RPS6KA2: variants seen among roughly 807,000 people sequenced by gnomAD.
The protein encoded by RPS6KA2 is ribosomal protein S6 kinase alpha-2.
In RPS6KA2, 42 loss-of-function variants were observed where a neutral mutation model predicts 91.8. That is an observed-to-expected ratio of 0.46 (90% CI 0.36 to 0.59). The LOEUF (loss-of-function observed/expected upper bound fraction) is 0.59. RPS6KA2 is among the 20% of genes least tolerant of loss of function. The pLI is 0.00. For missense variants in RPS6KA2, 798 were observed against 978.5 expected (o/e 0.82, Z 2.46); for synonymous variants, 414 against 393.6 (o/e 1.05, Z -0.61).
chr6:166,722,479 T>A (rs962669855), intron 2 of RPS6KA2, among the ~76,000 whole-genome samples: 51 of 152,210 alleles, frequency 3.4e-4, no homozygotes, highest in African/African-American at 1.2e-3. Flanking sequence ...GGTTCTAAAA[T>A]CACCGTGGCC....
intron 3 of RPS6KA2, among the ~76,000 whole-genome samples, chr6:166,520,119 G>A (rs1039072967): frequency 2.0e-5 from 3 of 152,128 alleles, no homozygotes; most frequent in South Asian, 4.2e-4. Context: ...TCCAGCCCTC[G>A]GACATCAGTG....
At chr6:166,546,096 C>T (rs899090586) in intron 1 of RPS6KA2, among the ~76,000 whole-genome samples, 1 of 152,172 alleles carries the variant, frequency 6.6e-6, no homozygotes, top group Non-Finnish European at 1.5e-5. Flanking sequence ...TGACCCCTTC[C>T]ACTTCATCTT....
At chr6:166,840,941 C>A (rs1227278028) in intron 2 of RPS6KA2, among the ~76,000 whole-genome samples, 1 of 150,564 alleles carries the variant, frequency 6.6e-6, no homozygotes, top group Admixed American at 6.6e-5. Flanking sequence ...CCAGCCTGGG[C>A]AACAAGAGCG....
At chr6:166,817,745 T>C (rs1237482469) in intron 2 of RPS6KA2, among the ~76,000 whole-genome samples, 5 of 151,292 alleles carry the variant, frequency 3.3e-5, no homozygotes, top group Admixed American at 3.3e-4. Flanking sequence ...TTGTTTGAGA[T>C]GGAGTCTCGC....
chr6:166,847,906 T>C (rs917410068), intron 2 of RPS6KA2, among the ~76,000 whole-genome samples: 6 of 140,452 alleles, frequency 4.3e-5, no homozygotes, highest in Non-Finnish European at 9.2e-5. Flanking sequence ...CAAAGATAAA[T>C]AGATGGGACT....
Position 166,681,694 on chromosome 6 carries a change from C to CCT in RPS6KA2, c.124-142911_124-142910insAG, listed in dbSNP as rs1788817044. ...TCCCTGGATCTCCCCCTGCCCGCCC[C>CCT]CCCCCCCGCCCCCGCCCAAGATCTT... On this transcript the variant is annotated intron_variant, in intron 2 of 21. Coordinates refer to the RPS6KA2 transcript ENST00000503859. 2.8e-5 allele frequency among the ~76,000 whole-genome samples: 2 copies of CCT among 72,042 alleles called. 1 individual carries two copies. The highest frequency in any genetic ancestry group is 5.5e-5 in the Non-Finnish European group (2 of 36,510). The allele number at this position is 72,042 out of a possible 152,430, so 47.3% of individuals were successfully genotyped here.
In RPS6KA2 at chr6:166,860,647, G is replaced by A. The variant is rs1188600735; in HGVS notation, c.63+1461C>T. On this transcript the variant is annotated intron_variant, in intron 1 of 21. Coordinates refer to the RPS6KA2 transcript ENST00000503859. ...AGCCCAGGGCGGAATCCTCCCTCTG[G>A]ACAAGCCCTTCATTCGTGAGGGCTG... is the stretch of plus-strand genomic sequence containing the variant. 2.6e-5 allele frequency among the ~76,000 whole-genome samples: 4 copies of A among 152,130 alleles called. No individual in the cohort carries two copies. In the East Asian group the frequency reaches 5.8e-4, roughly 22 times the overall value.
In RPS6KA2 at chr6:166,506,055, G is replaced by A. The variant is rs138862388; in HGVS notation, c.460-1443C>T. Among the ~76,000 whole-genome samples, 947 of 152,302 alleles carry A rather than the reference G, an allele frequency of 6.2e-3. 12 individuals carry two copies. The highest frequency in any genetic ancestry group is 0.02 in the African/African-American group (820 of 41,552). On this transcript the variant is annotated intron_variant, in intron 5 of 20. Transcript: ENST00000265678. ...ACGGTGTGAGTTCTGCAGGTTCACC[G>A]GCACAGCGATGGTCCCCGTAAGATG...
intron 7 of RPS6KA2, among the ~76,000 whole-genome samples, chr6:166,499,792 T>G (rs1357005316): frequency 3.2e-4 from 48 of 152,088 alleles, no homozygotes; most frequent in Non-Finnish European, 1.6e-4. Context: ...GAGAACAGAC[T>G]AATACAGGGA....
rs113826349 is a variant in RPS6KA2 at position 166,841,557 on chromosome 6, T to C, written c.123+16643A>G. Among the ~76,000 whole-genome samples, 390 of 152,128 alleles carry C rather than the reference T, an allele frequency of 2.6e-3. 2 individuals carry two copies. Among genetic ancestry groups the C allele is most frequent in the African/African-American group, 8.9e-3 (371 of 41,482 alleles). On this transcript the variant is annotated intron_variant, in intron 2 of 21. Coordinates refer to the RPS6KA2 transcript ENST00000503859. Reference sequence around the variant, plus strand: ...CAAAAACTTAATTGCAGAGGAAAAATAGAAAAACTCAGCAGGTCTGAGATG... The same window carrying C: ...CAAAAACTTAATTGCAGAGGAAAAACAGAAAAACTCAGCAGGTCTGAGATG...
At chr6:166,858,153 C>A (rs1780957366) in intron 2 of RPS6KA2, 1 of 1,141,106 alleles carries the variant, frequency 8.8e-7, no homozygotes, top group East Asian at 2.3e-5. Flanking sequence ...CCTTCTGGGC[C>A]CAATCTCCCC....
chr6:166,862,396 C>T (rs1781068590), exon 1 of RPS6KA2: 2 of 1,384,204 alleles, frequency 1.4e-6, no homozygotes, highest in African/African-American at 2.9e-5. Flanking sequence ...AATATGGCTG[C>T]TCGGGCGCCG....
intron 1 of RPS6KA2, among the ~76,000 whole-genome samples, chr6:166,615,975 A>C (rs1420003822): frequency 6.6e-6 from 1 of 152,126 alleles, no homozygotes; most frequent in African/African-American, 2.4e-5. Flanking sequence ...TTCAGCCTAA[A>C]TGACGACGCT....
At chr6:166,478,860 C>G (rs1216616006) in intron 10 of RPS6KA2, among the ~76,000 whole-genome samples, 2 of 152,226 alleles carry the variant, frequency 1.3e-5, no homozygotes, top group East Asian at 3.9e-4. Flanking sequence ...TCAAATCCTC[C>G]TACTTCACGA....
intron 3 of RPS6KA2, among the ~76,000 whole-genome samples, chr6:166,517,501 C>T (rs936511488): frequency 3.1e-5 from 4 of 127,692 alleles, no homozygotes; most frequent in Non-Finnish European, 4.6e-5. Context: ...CGGAGTCTCG[C>T]TCTGTCGCCC....
chr6:166,448,768 T>C lies in RPS6KA2; in HGVS notation c.1288A>G (p.Lys430Glu). 1 of 1,613,710 alleles carries C rather than the reference T, an allele frequency of 6.2e-7. No individual in the cohort carries two copies. The highest frequency in any genetic ancestry group is 8.5e-7 in the Non-Finnish European group (1 of 1,179,890). The change falls in exon 14 of 21, where the codon AAG becomes GAG. Residue 430 changes from lysine to glutamate, a missense_variant. By Grantham distance (56) the Lys-to-Glu change is moderately conservative. Coordinates refer to ENST00000265678, the MANE Select transcript of RPS6KA2 (RefSeq NM_021135.6). The surrounding 1 kb of genome is among the most constrained non-coding windows in gnomAD (Gnocchi z 4.7). The stretch of plus-strand genomic sequence containing the variant: ...TCTGTGGCTTTATGCACACATCGCT[T>C]GCACACTGAGTAGGAGCCCACCCCG... ...DIGVGSYSVC[K>E]RCVHKATDTE...
intron 1 of RPS6KA2, among the ~76,000 whole-genome samples, chr6:166,609,428 G>A (rs1424770385): frequency 1.3e-5 from 2 of 151,956 alleles, no homozygotes; most frequent in Non-Finnish European, 2.9e-5. Flanking sequence ...AGCTACCATG[G>A]TGTATTGCAA....
At position 166,490,573 on chromosome 6, in the gene RPS6KA2, C is replaced by G; in HGVS notation, c.818+98G>C. 2 of 828,220 alleles carry G rather than the reference C, an allele frequency of 2.4e-6. No homozygotes were observed. Among genetic ancestry groups the G allele is most frequent in the South Asian group, 2.9e-5 (2 of 68,256 alleles). 51.3% of individuals were successfully genotyped at this position (828,220 alleles called of 1,614,324 possible). A position where few individuals can be genotyped will look rare whatever the true frequency, so the allele number is the denominator to read the frequency against. On this transcript the variant is annotated intron_variant, in intron 9 of 20. Transcript: ENST00000265678. This position sits in a 1 kb window ranked among gnomAD's most constrained non-coding sequence, Gnocchi z 4.2. Reference sequence around the variant, plus strand: ...CAATACTTTGGCACTGTAAGCCTAGCAATGTAATTAAAACTTCACAGTTCC... The same window carrying G: ...CAATACTTTGGCACTGTAAGCCTAGGAATGTAATTAAAACTTCACAGTTCC...
chr6:166,709,326 T>C (rs1228087573), intron 2 of RPS6KA2, among the ~76,000 whole-genome samples: 1 of 148,402 alleles, frequency 6.7e-6, no homozygotes, highest in Non-Finnish European at 1.5e-5. Context: ...CCTCAAAATA[T>C]CCTTAAAAAT....
Sources: allele counts gnomAD v4.1 joint callset (sites outside exome capture counted in the v4.1 genomes callset), GRCh38; gene constraint gnomAD v4.1.1; non-coding constraint Gnocchi (gnomAD v3.1); transcripts MANE v1.5; gene names NCBI Gene and HGNC (gene_info 2026-07-23, HGNC 2026-07-21).